The following EML6 variants were observed in gnomAD, a reference collection of about 807,000 sequenced individuals.
EML6 encodes the protein EMAP like 6, also known as echinoderm microtubule-associated protein-like 6.
In EML6, 154 loss-of-function variants were observed where a neutral mutation model predicts 240.1. That is an observed-to-expected ratio of 0.64 (90% CI 0.56 to 0.73). EML6 has a LOEUF of 0.73. Ranked by LOEUF, EML6 falls within the 30% of genes least tolerant of loss-of-function variation. EML6 has a pLI of 0.00. For missense variants in EML6, 2,964 were observed against 2,474.6 expected (o/e 1.20, Z -4.20); for synonymous variants, 1,148 against 899.0 (o/e 1.28, Z -4.95).
intron 2 of EML6, among the ~76,000 whole-genome samples, chr2:54,739,171 T>C (rs897273583): frequency 6.6e-6 from 1 of 152,250 alleles, no homozygotes; most frequent in Non-Finnish European, 1.5e-5. Flanking sequence ...ATAGTTTTAA[T>C]ATGTAGGTAT....
At chr2:54,949,385 A>G (rs1159126545) in intron 29 of EML6, among the ~76,000 whole-genome samples, 2 of 152,220 alleles carry the variant, frequency 1.3e-5, no homozygotes, top group African/African-American at 4.8e-5. Context: ...GAAGCGTTTC[A>G]TACAATCTTC....
intron 2 of EML6, among the ~76,000 whole-genome samples, chr2:54,736,598 C>A (rs946639370): frequency 1.3e-5 from 2 of 152,202 alleles, no homozygotes; most frequent in Non-Finnish European, 2.9e-5. Flanking sequence ...TTTCTACTTC[C>A]GCCAGCCACT....
intron 28 of EML6, among the ~76,000 whole-genome samples, chr2:54,930,749 GCA>G (rs1339308353): frequency 6.6e-6 from 1 of 152,100 alleles, no homozygotes; most frequent in Non-Finnish European, 1.5e-5. Flanking sequence ...TGGAACTAGA[GCA>G]CACACTGCCA....
chr2:54,809,058 A>G (rs1281777810), intron 2 of EML6, among the ~76,000 whole-genome samples: 2 of 152,246 alleles, frequency 1.3e-5, no homozygotes, highest in Non-Finnish European at 2.9e-5. Flanking sequence ...ACCAAAGGAA[A>G]AACAGTCACA....
chr2:54,832,895 C>A (rs1668953245), intron 7 of EML6, among the ~76,000 whole-genome samples: 1 of 152,146 alleles, frequency 6.6e-6, no homozygotes, highest in Middle Eastern at 3.2e-3. Flanking sequence ...CATGAAGCTT[C>A]CTTGTTCTCA....
chr2:54,933,115 C>G (rs1674947001), intron 28 of EML6, among the ~76,000 whole-genome samples: 1 of 152,116 alleles, frequency 6.6e-6, no homozygotes, highest in Non-Finnish European at 1.5e-5. Flanking sequence ...GGCTGCAGAA[C>G]TTATAGTCTC....
intron 2 of EML6, among the ~76,000 whole-genome samples, chr2:54,754,146 T>A (rs1447390946): frequency 9.6e-4 from 137 of 142,078 alleles, no homozygotes; most frequent in African/African-American, 3.0e-3. Flanking sequence ...AAAAAAAAAA[T>A]TTTTTTTTTT....
intron 7 of EML6, among the ~76,000 whole-genome samples, chr2:54,830,382 G>A (rs1247136194): frequency 6.6e-6 from 1 of 152,150 alleles, no homozygotes; most frequent in Non-Finnish European, 1.5e-5. Flanking sequence ...GGGTCCACAG[G>A]ATGAAAACTT....
chr2:54,795,087 T>C (rs1455413046), intron 2 of EML6, among the ~76,000 whole-genome samples: 1 of 152,234 alleles, frequency 6.6e-6, no homozygotes, highest in African/African-American at 2.4e-5. Context: ...TTGGTTTTGC[T>C]TTAACTTGGT....
chr2:54,825,387 T>G (rs549739031), intron 5 of EML6, among the ~76,000 whole-genome samples: 7 of 152,282 alleles, frequency 4.6e-5, no homozygotes, highest in Admixed American at 1.3e-4. Flanking sequence ...CTCTTTATTC[T>G]TTATTAAAAA....
chr2:54,896,507 G>A (rs1376927272), intron 21 of EML6, among the ~76,000 whole-genome samples: 1 of 152,224 alleles, frequency 6.6e-6, no homozygotes, highest in African/African-American at 2.4e-5. Context: ...GTGGTAGGAT[G>A]TGGAGGTGCG....
intron 28 of EML6, among the ~76,000 whole-genome samples, chr2:54,930,160 G>C (rs570716567): frequency 6.6e-6 from 1 of 151,996 alleles, no homozygotes; most frequent in Non-Finnish European, 1.5e-5. Flanking sequence ...GAGTTGACAT[G>C]GCCATTATCC....
At chr2:54,806,337 G>A (rs916472448) in intron 2 of EML6, among the ~76,000 whole-genome samples, 3 of 152,040 alleles carry the variant, frequency 2.0e-5, no homozygotes, top group Admixed American at 6.5e-5. Context: ...TCCTGGCCGG[G>A]CGCGGTGGCT....
At chr2:54,915,887 T>C (rs796843737) in intron 25 of EML6, among the ~76,000 whole-genome samples, 1 of 152,196 alleles carries the variant, frequency 6.6e-6, no homozygotes, top group Non-Finnish European at 1.5e-5. Context: ...TAATAGCAGA[T>C]GTTGAATGAA....
Position 54,970,364 on chromosome 2 carries a change from C to T in EML6, c.*269C>T, listed in dbSNP as rs1468429231. 2 of 434,380 alleles carry T rather than the reference C, an allele frequency of 4.6e-6. No homozygotes were observed. Among genetic ancestry groups the T allele is most frequent in the East Asian group, 3.4e-5 (1 of 29,420 alleles). 26.9% of individuals were successfully genotyped at this position (434,380 alleles called of 1,614,324 possible). On this transcript the variant is annotated 3_prime_UTR_variant, in exon 42 of 42. Transcript: ENST00000356458. The stretch of plus-strand genomic sequence containing the variant: ...GACTAAACAGTATACATACTAACTA[C>T]ATTGACAAAGAAATCCTATCTGATA...
intron 41 of EML6, among the ~76,000 whole-genome samples, chr2:54,969,347 A>G (rs1676890951): frequency 6.6e-6 from 1 of 152,148 alleles, no homozygotes; most frequent in Non-Finnish European, 1.5e-5. Context: ...AGGCCTTCTG[A>G]TACTTCCTGG....
At chr2:54,858,177 C>T (rs928159192) in intron 11 of EML6, among the ~76,000 whole-genome samples, 1 of 152,168 alleles carries the variant, frequency 6.6e-6, no homozygotes, top group Non-Finnish European at 1.5e-5. Flanking sequence ...TGGCAGGAGG[C>T]CTCAGTTCCT....
intron 41 of EML6, 28 bp from the exon 42 acceptor site, chr2:54,970,043 A>C: frequency 6.4e-7 from 1 of 1,551,600 alleles, no homozygotes; most frequent in South Asian, 1.2e-5. Context: ...CCAGCTATGC[A>C]AAATGACTGT....
chr2:54,900,531 A>G (rs1032901575), intron 22 of EML6, among the ~76,000 whole-genome samples: 2 of 152,188 alleles, frequency 1.3e-5, no homozygotes, highest in African/African-American at 4.8e-5. Flanking sequence ...GGAGAGGACA[A>G]TTGCTGCAAC....
Sources: allele counts gnomAD v4.1 joint callset (sites outside exome capture counted in the v4.1 genomes callset), GRCh38; gene constraint gnomAD v4.1.1; transcripts MANE v1.5; gene names NCBI Gene and HGNC (gene_info 2026-07-23, HGNC 2026-07-21).